Variants in ELAPOR2 observed in about 807,000 individuals in gnomAD.
ELAPOR2 encodes the protein endosome-lysosome associated apoptosis and autophagy regulator family member 2.
A neutral mutation model predicts 120.7 loss-of-function variants in ELAPOR2; 89 were observed. That is an observed-to-expected ratio of 0.74 (90% confidence interval 0.62 to 0.88). The LOEUF is 0.88. ELAPOR2 is among the 40% of genes least tolerant of loss of function. ELAPOR2 has a pLI of 0.00. For missense variants in ELAPOR2, 1,134 were observed against 1,251.6 expected (o/e 0.91, Z 1.42); for synonymous variants, 444 against 444.9 (o/e 1.00, Z 0.03).
chr7:87,057,847 T>C (rs1795310720), intron 1 of ELAPOR2, among the ~76,000 whole-genome samples: 4 of 152,214 alleles, frequency 2.6e-5, no homozygotes, highest in African/African-American at 7.2e-5. Flanking sequence ...AGCTTAAGAC[T>C]TTTCAGTTTA....
At chr7:87,033,645 A>C (rs1372524274) in intron 1 of ELAPOR2, among the ~76,000 whole-genome samples, 1 of 145,018 alleles carries the variant, frequency 6.9e-6, no homozygotes, top group East Asian at 1.9e-4. Flanking sequence ...AAGAGAATCC[A>C]AAAAAAATTT....
At chr7:86,914,702 A>G in intron 13 of ELAPOR2, 21 bp downstream of exon 13, 1 of 1,588,666 alleles carries the variant, frequency 6.3e-7, no homozygotes, top group South Asian at 1.2e-5. Flanking sequence ...AAAATTTTAA[A>G]AAAAAGTGCT....
At chr7:86,978,955 G>A (rs1792370434) in intron 1 of ELAPOR2, among the ~76,000 whole-genome samples, 1 of 152,180 alleles carries the variant, frequency 6.6e-6, no homozygotes, top group South Asian at 2.1e-4. Flanking sequence ...ATTCTGAAAT[G>A]CAGATTTGAA....
chr7:87,006,677 TG>T (rs1401256719), intron 1 of ELAPOR2, among the ~76,000 whole-genome samples: 1 of 152,182 alleles, frequency 6.6e-6, no homozygotes, highest in Non-Finnish European at 1.5e-5. Flanking sequence ...ACCTATCCAA[TG>T]GTCCAGCCAT....
At chr7:86,963,204 G>T (rs1428890681) in intron 2 of ELAPOR2, among the ~76,000 whole-genome samples, 1 of 152,192 alleles carries the variant, frequency 6.6e-6, no homozygotes, top group African/African-American at 2.4e-5. Flanking sequence ...GACCTGATTA[G>T]TAGTCAGAAT....
At chr7:87,042,063 A>T (rs1423733465) in intron 1 of ELAPOR2, among the ~76,000 whole-genome samples, 1 of 150,488 alleles carries the variant, frequency 6.6e-6, no homozygotes, top group East Asian at 1.9e-4. Flanking sequence ...AGAGCTAACT[A>T]TCCTAAATAT....
chr7:86,911,442 T>C (rs183682942), intron 15 of ELAPOR2, among the ~76,000 whole-genome samples: 236 of 152,220 alleles, frequency 1.6e-3, no homozygotes, highest in Middle Eastern at 3.4e-3. Context: ...ATGGAGGAAA[T>C]GCCTTATCCT....
chr7:87,014,077 A>C (rs140345534), intron 1 of ELAPOR2, among the ~76,000 whole-genome samples: 2,369 of 148,474 alleles, frequency 0.016, 71 homozygotes, highest in African/African-American at 0.056. Context: ...GTCCCAGAAC[A>C]TTGTACTGTC....
At chr7:86,901,749 G>A (rs17161098) in intron 18 of ELAPOR2, among the ~76,000 whole-genome samples, 14,470 of 152,150 alleles carry the variant, frequency 0.095, 792 homozygotes, top group African/African-American at 0.14. Context: ...TTTTGAGTGA[G>A]CTCCCCACGT....
chr7:86,909,241 G>T (rs1789181307), intron 16 of ELAPOR2, among the ~76,000 whole-genome samples: 1 of 151,982 alleles, frequency 6.6e-6, no homozygotes, highest in Non-Finnish European at 1.5e-5. Flanking sequence ...TATGAAGCTT[G>T]TTAAAACCAC....
chr7:86,883,603 C>T (rs1435326354), intron 21 of ELAPOR2, among the ~76,000 whole-genome samples: 1 of 152,166 alleles, frequency 6.6e-6, no homozygotes, highest in Admixed American at 6.5e-5. Context: ...GAATGAATCT[C>T]AAAAATATCT....
chr7:87,008,887 A>C lies in ELAPOR2; in HGVS notation c.190-43863T>G, dbSNP rs187148203. 2.0e-5 allele frequency among the ~76,000 whole-genome samples: 3 copies of C among 152,282 alleles called. No homozygotes were observed. In the East Asian group the frequency reaches 5.8e-4, roughly 29 times the overall value. On this transcript the variant is annotated intron_variant, in intron 1 of 21. Transcript: ENST00000450689. ...CTTGCAATTTTTCTTTGAGCTTAAA[A>C]TTTTTTAATGAAAATTTCCTACAAA... is the stretch of plus-strand genomic sequence containing the variant.
rs376013342 is a variant in ELAPOR2 at position 86,997,773 on chromosome 7, C to T, written c.190-32749G>A. On this transcript the variant is annotated intron_variant, in intron 1 of 21. Transcript: ENST00000450689. ...TCTAGATCACATGTGTTCTAGATCC[C>T]TCACAGGTTACAGAAGTATCTCAGT... 1.2e-4 allele frequency among the ~76,000 whole-genome samples: 19 copies of T among 152,312 alleles called. No individual in the cohort carries two copies. In the East Asian group the frequency reaches 1.5e-3, roughly 12 times the overall value.
intron 1 of ELAPOR2, among the ~76,000 whole-genome samples, chr7:87,017,774 A>G (rs943435467): frequency 6.6e-6 from 1 of 152,092 alleles, no homozygotes; most frequent in Non-Finnish European, 1.5e-5. Context: ...TACAAAAATT[A>G]GCCGGGCATA....
chr7:87,010,281 T>C (rs1170963694), intron 1 of ELAPOR2, among the ~76,000 whole-genome samples: 1 of 152,204 alleles, frequency 6.6e-6, no homozygotes, highest in African/African-American at 2.4e-5. Context: ...GGGATTCAAG[T>C]AGAGCTAAAC....
chr7:86,940,062 A>G lies in ELAPOR2; in HGVS notation c.795T>C (p.Leu265=). The G allele has an allele frequency of 3.1e-6, 5 of 1,612,478 alleles. No individual in the cohort carries two copies. Among genetic ancestry groups the G allele is most frequent in the Non-Finnish European group, 4.2e-6 (5 of 1,178,982 alleles). ...CAGGCTTGACCGCCTTAGAACCCAT[A>G]AGGATGCCTGTAGTTCTCCAGTAGA... ...NILYWRTTGI[L]MGSKAVKPVL... Residue 265 remains leucine, a synonymous_variant, in exon 6 of 22, where the codon CTT becomes CTC. Transcript: ENST00000450689.
chr7:86,951,001 T>G (rs746661188), intron 2 of ELAPOR2, among the ~76,000 whole-genome samples: 1 of 152,264 alleles, frequency 6.6e-6, no homozygotes, highest in African/African-American at 2.4e-5. Flanking sequence ...CAATGGTCTA[T>G]GGATCTTCTA....
rs1799486520 is a variant in ELAPOR2, at chr7:86,882,987, T to G, written c.3031-2457A>C. On this transcript the variant is annotated intron_variant, in intron 21 of 21. Coordinates refer to ENST00000450689, the MANE Select transcript of ELAPOR2 (RefSeq NM_001142749.3). ...TCCCCAATGCTGCAAGACACCCTAC[T>G]CTTGTTCTTGACATACTGGATGATC... 4.0e-5 allele frequency among the ~76,000 whole-genome samples: 6 copies of G among 151,820 alleles called. No homozygotes were observed. The South Asian group carries it at 1.2e-3, about 32-fold the overall frequency.
intron 1 of ELAPOR2, among the ~76,000 whole-genome samples, chr7:87,041,882 A>G (rs2129015826): frequency 6.6e-6 from 1 of 152,020 alleles, no homozygotes; most frequent in South Asian, 2.1e-4. Flanking sequence ...ACGTGCAGAG[A>G]CACACATAGG....
Sources: allele counts gnomAD v4.1 joint callset (sites outside exome capture counted in the v4.1 genomes callset), GRCh38; gene constraint gnomAD v4.1.1; transcripts MANE v1.5; gene names NCBI Gene and HGNC (gene_info 2026-07-23, HGNC 2026-07-21).